Variants in TUBGCP3 observed in about 807,000 individuals in gnomAD.
TUBGCP3 encodes the protein gamma-tubulin complex component 3.
Under a neutral mutation model 123.1 loss-of-function variants are expected in TUBGCP3, and 50 were observed. The ratio of observed to expected loss-of-function variants is 0.41; its 90% confidence interval spans 0.32 to 0.51. TUBGCP3 has a LOEUF of 0.51. Among genes scored for constraint, TUBGCP3 ranks in the 20% least tolerant of loss-of-function variants. The probability of loss-of-function intolerance (pLI) is 0.36; values close to 1 mark genes in which losing one functional copy is unlikely to be tolerated. For missense variants in TUBGCP3, 882 were observed against 1,127.0 expected (o/e 0.78, Z 3.11); for synonymous variants, 405 against 413.9 (o/e 0.98, Z 0.26).
chr13:112,527,097 G>A (rs759449581), intron 12 of TUBGCP3, 47 bp from the exon 13 acceptor site: 8 of 1,485,306 alleles, frequency 5.4e-6, no homozygotes, highest in African/African-American at 2.8e-5. Context: ...AATTTAAAAC[G>A]ACTGCCCAAA....
the TUBGCP3 span, chr13:112,603,370 C>T: frequency 6.6e-6 from 1 of 152,176 alleles, no homozygotes; most frequent in Non-Finnish European, 1.5e-5. Context: ...ACTACTAAAT[C>T]TCTAATATTT....
In TUBGCP3 at chr13:112,511,039, T is replaced by C. The variant is rs570260471; in HGVS notation, c.2086+5401A>G. 6.6e-5 allele frequency among the ~76,000 whole-genome samples: 10 copies of C among 152,164 alleles called. No homozygotes were observed. The highest frequency in any genetic ancestry group is 9.7e-5 in the African/African-American group (4 of 41,428). On this transcript the variant is annotated intron_variant, in intron 17 of 21. Transcript: ENST00000261965. This position sits in a 1 kb window ranked among gnomAD's most constrained non-coding sequence, Gnocchi z 4.1. The stretch of plus-strand genomic sequence containing the variant: ...AAAACACAGGATACAAAAACACAGA[T>C]AGATACACAAAGAAATTTTTAAAGA...
chr13:112,522,809 A>G (rs1287245564), intron 13 of TUBGCP3, among the ~76,000 whole-genome samples: 3 of 152,234 alleles, frequency 2.0e-5, no homozygotes. Context: ...CACACTGGTA[A>G]TAGGGCAAGT....
intron 11 of TUBGCP3, among the ~76,000 whole-genome samples, chr13:112,538,957 T>A (rs1203919532): frequency 1.3e-5 from 2 of 152,158 alleles, no homozygotes; most frequent in African/African-American, 2.4e-5. Flanking sequence ...TATTAATACT[T>A]AGAGTAAATT....
At chr13:112,558,980 G>A (rs1426834336) in intron 4 of TUBGCP3, among the ~76,000 whole-genome samples, 1 of 152,138 alleles carries the variant, frequency 6.6e-6, no homozygotes, top group African/African-American at 2.4e-5. Context: ...ATAACTGAGA[G>A]CATGAAAAAC....
chr13:112,554,119 T>G lies in TUBGCP3; in HGVS notation c.904A>C (p.Asn302His), dbSNP rs1180000268. The G allele has an allele frequency of 6.2e-7, 1 of 1,614,188 alleles. No homozygotes were observed. Among genetic ancestry groups the G allele is most frequent in the Non-Finnish European group, 8.5e-7 (1 of 1,180,030 alleles). ...TGGTCCGTGTATCTTCTGATTTTAT[T>G]ATGCAACCATCCCAACTCAGAAAGC... ...VRLSELGWLH[N>H]KIRRYTDQRS... The change falls in exon 8 of 22, where the codon AAT (asparagine) becomes CAT (histidine). Residue 302 changes from asparagine to histidine, a missense_variant. Transcript: ENST00000261965.
chr13:112,542,209 A>G (rs546539886), intron 11 of TUBGCP3, among the ~76,000 whole-genome samples: 1 of 152,320 alleles, frequency 6.6e-6, no homozygotes, highest in Non-Finnish European at 1.5e-5. Flanking sequence ...GATCACTTAG[A>G]CTCCCATAAA....
chr13:112,518,034 T>C (rs969739018), intron 16 of TUBGCP3, among the ~76,000 whole-genome samples: 1 of 152,220 alleles, frequency 6.6e-6, no homozygotes, highest in African/African-American at 2.4e-5. Flanking sequence ...AGAGAAGTTA[T>C]ACACTTAAAA....
At position 112,558,184 on chromosome 13, in the gene TUBGCP3, G is replaced by A; in HGVS notation, c.548+12C>T. The A allele has an allele frequency of 1.2e-6, 2 of 1,606,022 alleles. No individual in the cohort carries two copies. The highest frequency in any genetic ancestry group is 1.3e-5 in the African/African-American group (1 of 74,918). On this transcript the variant is annotated intron_variant, in intron 5 of 21. Transcript: ENST00000261965. ...ACACATAGAGAATCTATACACGTCA[G>A]TGTGGCCTTACCCTGGGAGGAGAGA... is the stretch of plus-strand genomic sequence containing the variant.
intron 3 of TUBGCP3, among the ~76,000 whole-genome samples, chr13:112,561,019 G>C (rs1880472428): frequency 6.6e-6 from 1 of 152,150 alleles, no homozygotes; most frequent in Non-Finnish European, 1.5e-5. Context: ...CAGGAGGGAA[G>C]CTGACATCGG....
At chr13:112,587,773 T>C in intron 1 of TUBGCP3, 132 bp downstream of exon 1, 4 of 761,332 alleles carry the variant, frequency 5.3e-6, no homozygotes, top group Non-Finnish European at 7.7e-6. Flanking sequence ...CCCCACGTCC[T>C]CGGCCCGTCC....
intron 3 of TUBGCP3, 102 bp downstream of exon 3, chr13:112,565,009 G>A: frequency 1.0e-6 from 1 of 976,916 alleles, no homozygotes; most frequent in Non-Finnish European, 1.5e-6. Context: ...ACCAATTATA[G>A]AAAAGTTTAA....
intron 1 of TUBGCP3, among the ~76,000 whole-genome samples, chr13:112,578,165 T>A (rs1301194071): frequency 1.3e-5 from 2 of 152,158 alleles, no homozygotes; most frequent in African/African-American, 4.8e-5. Flanking sequence ...AAACCCCTCG[T>A]GGCTTGGATG....
At chr13:112,495,279 C>A (rs1011753022) in intron 20 of TUBGCP3, among the ~76,000 whole-genome samples, 2 of 152,210 alleles carry the variant, frequency 1.3e-5, no homozygotes, top group Non-Finnish European at 2.9e-5. Context: ...CACAACCAGA[C>A]TTTTGTAACA....
chr13:112,548,069 C>A, intron 9 of TUBGCP3, 39 bp downstream of exon 9: 1 of 1,461,758 alleles, frequency 6.8e-7, no homozygotes. Flanking sequence ...TGTAACACTT[C>A]AAATCATAAA....
chr13:112,526,221 C>G (rs9604336), intron 13 of TUBGCP3, among the ~76,000 whole-genome samples: 1 of 144,832 alleles, frequency 6.9e-6, no homozygotes, highest in African/African-American at 2.5e-5. Context: ...ACCATCATCA[C>G]CACCCATCCC....
At chr13:112,525,841 C>A (rs1877009750) in intron 13 of TUBGCP3, among the ~76,000 whole-genome samples, 1 of 152,154 alleles carries the variant, frequency 6.6e-6, no homozygotes, top group South Asian at 2.1e-4. Context: ...TGGCACACTG[C>A]CACTTTATCA....
intron 8 of TUBGCP3, among the ~76,000 whole-genome samples, chr13:112,548,640 A>T (rs1879276570): frequency 6.6e-6 from 1 of 152,218 alleles, no homozygotes; most frequent in South Asian, 2.1e-4. Flanking sequence ...AATTTACAAG[A>T]AAAAATCAAA....
chr13:112,597,216 G>A, the TUBGCP3 span, among the ~76,000 whole-genome samples: 1 of 152,200 alleles, frequency 6.6e-6, no homozygotes, highest in Admixed American at 6.5e-5. Context: ...ATCTGGGTTG[G>A]GAACTGATGG....
Sources: gnomAD v4.1 joint callset for allele counts (sites outside exome capture counted in the v4.1 genomes callset) on GRCh38, gnomAD v4.1.1 for gene constraint, Gnocchi (gnomAD v3.1) non-coding constraint, MANE v1.5 for transcripts, NCBI Gene and HGNC (gene_info 2026-07-23, HGNC 2026-07-21) for gene names.